The following EOGT variants were observed in gnomAD, a reference collection of about 807,000 sequenced individuals.
EOGT encodes the protein EGF domain specific O-linked N-acetylglucosamine transferase.
EOGT carries 55 observed loss-of-function variants against 70.5 expected under a neutral mutation model. That is an observed-to-expected ratio of 0.78 (90% CI 0.63 to 0.98). EOGT has a LOEUF of 0.98. EOGT is among the 50% of genes least tolerant of loss of function. The pLI, the probability that EOGT is intolerant of heterozygous loss-of-function variation, is 0.00. For missense variants in EOGT, 703 were observed against 641.9 expected (o/e 1.10, Z -1.03); for synonymous variants, 246 against 217.1 (o/e 1.13, Z -1.17).
chr3:69,009,937 A>AC lies in EOGT; in HGVS notation c.-14-78_-14-77insG, dbSNP rs1559618098. 3.2e-4 allele frequency: 190 copies of AC among 600,866 alleles called. 1 individual carries two copies. The highest frequency in any genetic ancestry group is 2.7e-3 in the African/African-American group (135 of 50,594). The allele number at this position is 600,866 out of a possible 1,614,324, so 37.2% of individuals were successfully genotyped here. On this transcript the variant is annotated intron_variant, in intron 3 of 17. Transcript: ENST00000383701. ...AAACAACAACAACAACAACAACAAA[A>AC]AAAAAAAAAAAACAAAGGGTCAAGG...
rs944346980 is a variant in EOGT, at chr3:68,975,844, T to C, written c.*1774A>G. 6 of 152,210 alleles carry C rather than the reference T, an allele frequency of 3.9e-5. No individual in the cohort carries two copies. Among genetic ancestry groups the C allele is most frequent in the Non-Finnish European group, 5.9e-5 (4 of 68,030 alleles). The allele number at this position is 152,210 out of a possible 1,614,324, so 9.4% of individuals were successfully genotyped here. The stretch of plus-strand genomic sequence containing the variant: ...AGTGGGGGTCAGCAAACGTCTTCTG[T>C]AAAGGTCCAGATATTTTGTTTTGTG... On this transcript the variant is annotated 3_prime_UTR_variant, in exon 18 of 18. Coordinates refer to ENST00000383701, the MANE Select transcript of EOGT (RefSeq NM_001278689.2).
intron 14 of EOGT, among the ~76,000 whole-genome samples, chr3:68,987,127 C>G (rs2090833747): frequency 6.6e-6 from 1 of 152,208 alleles, no homozygotes; most frequent in African/African-American, 2.4e-5. Context: ...ATCAACTATG[C>G]AAAAGAAAGT....
At position 68,976,223 on chromosome 3, in the gene EOGT, AG is replaced by A. The variant is rs1385774202; in HGVS notation, c.*1394del. 3 of 152,222 alleles carry A rather than the reference AG, an allele frequency of 2.0e-5. No homozygotes were observed. Among genetic ancestry groups the A allele is most frequent in the African/African-American group, 7.2e-5 (3 of 41,460 alleles). The allele number at this position is 152,222 out of a possible 1,614,324, so 9.4% of individuals were successfully genotyped here. A position where few individuals can be genotyped will look rare whatever the true frequency, so the allele number is the denominator to read the frequency against. ...GTTTTTTCTTGGTCTTACTTTTCACAGGGAAAAATTCTCTTCATGAGGCTAA... is the reference window on the plus strand; with the variant it reads ...GTTTTTTCTTGGTCTTACTTTTCACAGGAAAAATTCTCTTCATGAGGCTAA... On this transcript the variant is annotated 3_prime_UTR_variant, in exon 18 of 18. Transcript: ENST00000383701.
chr3:68,982,885 G>A lies in EOGT; in HGVS notation c.1153-13C>T, dbSNP rs201671415. 1 of 1,594,454 alleles carries A rather than the reference G, an allele frequency of 6.3e-7. No individual in the cohort carries two copies. The highest frequency in any genetic ancestry group is 2.3e-5 in the East Asian group (1 of 44,132). On this transcript the variant is annotated splice_polypyrimidine_tract_variant and intron_variant, in intron 14 of 17. Transcript: ENST00000383701. ...GTGCATTTACAAGCTGGGAAAAAAA[G>A]AGAAACATTTAGCATTTCTTTTCCT... is the stretch of plus-strand genomic sequence containing the variant.
At chr3:68,980,666 C>T (rs143999790) in intron 15 of EOGT, among the ~76,000 whole-genome samples, 80 of 152,310 alleles carry the variant, frequency 5.3e-4, no homozygotes, top group South Asian at 2.3e-3. Flanking sequence ...ACAAAAACTC[C>T]GCATAGGAAA....
chr3:68,995,075 T>C (rs2091107776), intron 10 of EOGT, among the ~76,000 whole-genome samples: 1 of 151,966 alleles, frequency 6.6e-6, no homozygotes, highest in South Asian at 2.1e-4. Flanking sequence ...GGTTGGAAAA[T>C]ATCACCAAGA....
chr3:69,005,186 T>C lies in EOGT; in HGVS notation c.469A>G (p.Thr157Ala), dbSNP rs1380576405. The C allele has an allele frequency of 3.7e-6, 6 of 1,607,526 alleles. No individual in the cohort carries two copies. Among genetic ancestry groups the C allele is most frequent in the South Asian group, 2.2e-5 (2 of 90,692 alleles). The change falls in exon 7 of 18, where the codon ACC becomes GCC. Residue 157 changes from threonine (T) to alanine (A), a missense_variant. Physicochemically the swap from Thr to Ala is moderately conservative, Grantham distance 58. Transcript: ENST00000383701. ...TTTCTTAAATCAAGATAGAGATTGG[T>C]TGCTCTGCAGTACTGAAGATAACGG... Reference protein sequence around the residue: ...CSRYLQYCRATNLYLDLRNIK... With the variant: ...CSRYLQYCRAANLYLDLRNIK...
chr3:68,975,621 T>C lies in EOGT; in HGVS notation c.*1997A>G, dbSNP rs117715435. On this transcript the variant is annotated 3_prime_UTR_variant, in exon 18 of 18. Coordinates refer to ENST00000383701, the MANE Select transcript of EOGT (RefSeq NM_001278689.2). ...TTGTCATCCCTTTCATCTGAAATAT[T>C]TTCCCAGTGGTTACTCAGTATTTTG... 1 of 152,702 alleles carries C rather than the reference T, an allele frequency of 6.5e-6. No individual in the cohort carries two copies. Among genetic ancestry groups the C allele is most frequent in the East Asian group, 1.9e-4 (1 of 5,190 alleles). 9.5% of individuals were successfully genotyped at this position (152,702 alleles called of 1,614,324 possible). A position where few individuals can be genotyped will look rare whatever the true frequency, so the allele number is the denominator to read the frequency against.
chr3:69,008,427 C>A lies in EOGT; in HGVS notation c.311+1G>T, dbSNP rs369583084. 5.3e-5 allele frequency: 86 copies of A among 1,608,992 alleles called. No homozygotes were observed. The highest frequency in any genetic ancestry group is 7.0e-5 in the Non-Finnish European group (82 of 1,175,458). On this transcript the variant is annotated splice_donor_variant, in intron 5 of 17. Coordinates refer to ENST00000383701, the MANE Select transcript of EOGT (RefSeq NM_001278689.2). LOFTEE classifies it high-confidence loss of function. Reference sequence around the variant, plus strand: ...AGAGGGTATTCCATATGGAAACTTACCATCCCATGTCGACATAGCTGCAAA... The same window carrying A: ...AGAGGGTATTCCATATGGAAACTTAACATCCCATGTCGACATAGCTGCAAA...
At position 68,976,521 on chromosome 3, in the gene EOGT, G is replaced by A. The variant is rs1041392603; in HGVS notation, c.*1097C>T. The A allele has an allele frequency of 6.6e-6, 1 of 152,112 alleles. No individual in the cohort carries two copies. Among genetic ancestry groups the A allele is most frequent in the Admixed American group, 6.6e-5 (1 of 15,264 alleles). 9.4% of individuals were successfully genotyped at this position (152,112 alleles called of 1,614,324 possible). On this transcript the variant is annotated 3_prime_UTR_variant, in exon 18 of 18. Transcript: ENST00000383701. ...AAAACATGATTTAAATATGAAACAT[G>A]TAATATAAATTAATATAGTGGCATG...
intron 5 of EOGT, 116 bp from the exon 6 acceptor site, chr3:69,007,937 A>G (rs890616938): frequency 8.8e-5 from 58 of 659,510 alleles, no homozygotes; most frequent in Non-Finnish European, 1.0e-5. Flanking sequence ...TTGTTACAGT[A>G]TATTATCATA....
intron 10 of EOGT, among the ~76,000 whole-genome samples, chr3:68,994,722 C>T (rs2091095998): frequency 6.6e-6 from 1 of 152,086 alleles, no homozygotes; most frequent in African/African-American, 2.4e-5. Flanking sequence ...ACCTGGGAAG[C>T]GGAAGTTGCA....
intron 11 of EOGT, 85 bp from the exon 12 acceptor site, chr3:68,988,662 T>C (rs775402943): frequency 6.2e-6 from 5 of 800,712 alleles, no homozygotes; most frequent in Non-Finnish European, 7.8e-6. Flanking sequence ...AAATAGATTT[T>C]AATTAATCTC....
intron 14 of EOGT, among the ~76,000 whole-genome samples, chr3:68,984,827 T>C (rs75844514): frequency 0.029 from 4,373 of 152,276 alleles, 216 homozygotes; most frequent in African/African-American, 0.1. Flanking sequence ...ATGTTGTTCC[T>C]CAGCCTGCCC....
At chr3:68,980,384 C>A (rs1351396850) in intron 15 of EOGT, among the ~76,000 whole-genome samples, 2 of 152,158 alleles carry the variant, frequency 1.3e-5, no homozygotes, top group Admixed American at 6.5e-5. Flanking sequence ...TTGGAACAGA[C>A]AAATCCACAA....
At chr3:68,992,789 A>C (rs112472739) in intron 10 of EOGT, among the ~76,000 whole-genome samples, 2,871 of 152,312 alleles carry the variant, frequency 0.019, 42 homozygotes, top group East Asian at 0.042. Flanking sequence ...GCATTTCCAT[A>C]CATCTTCTGA....
In EOGT at chr3:69,004,425, G is replaced by A; in HGVS notation, c.573C>T (p.Ile191=). 6.2e-7 allele frequency: 1 copy of A among 1,614,122 alleles called. No homozygotes were observed. ...GEIGGHCKLD[I]RTLTSEGQRK... ...GCTGACCTTCAGACGTCAATGTACG[G>A]ATGTCAAGTTTACAGTGCCCTCCAA... The change falls in exon 8 of 18, where the codon ATC becomes ATT. Residue 191 remains isoleucine, a synonymous_variant. Coordinates refer to ENST00000383701, the MANE Select transcript of EOGT (RefSeq NM_001278689.2).
At chr3:69,007,302 T>A (rs987386715) in intron 6 of EOGT, among the ~76,000 whole-genome samples, 2 of 152,170 alleles carry the variant, frequency 1.3e-5, no homozygotes, top group Non-Finnish European at 1.5e-5. Flanking sequence ...CCGTCTATCT[T>A]GTTTTTACAT....
chr3:69,005,769 C>T (rs756546768), intron 6 of EOGT, among the ~76,000 whole-genome samples: 4 of 152,136 alleles, frequency 2.6e-5, no homozygotes, highest in Non-Finnish European at 5.9e-5. Flanking sequence ...AGAAAGGAGT[C>T]GAAGAGTCAG....
Sources: allele counts gnomAD v4.1 joint callset (sites outside exome capture counted in the v4.1 genomes callset), GRCh38; gene constraint gnomAD v4.1.1; transcripts MANE v1.5; gene names NCBI Gene and HGNC (gene_info 2026-07-23, HGNC 2026-07-21).